The following UGT1A10 variants were observed in gnomAD, a reference collection of about 807,000 sequenced individuals.
UGT1A10 encodes the protein UDP-glucuronosyltransferase 1A10.
In UGT1A10, 49 loss-of-function variants were observed where a neutral mutation model predicts 45.8. The observed-to-expected ratio is 1.07, with a 90% CI of 0.85 to 1.36. The LOEUF (loss-of-function observed/expected upper bound fraction) is 1.36. UGT1A10 is among the 40% of genes most tolerant of loss of function. UGT1A10 has a pLI of 0.00. For missense variants in UGT1A10, 745 were observed against 668.6 expected (o/e 1.11, Z -1.26); for synonymous variants, 284 against 249.7 (o/e 1.14, Z -1.29).
chr2:233,711,531 C>T (rs1251081299), intron 1 of UGT1A10, among the ~76,000 whole-genome samples: 4 of 152,194 alleles, frequency 2.6e-5, no homozygotes, highest in African/African-American at 7.2e-5. Context: ...CACAACTCCC[C>T]GGGAATCATC....
intron 1 of UGT1A10, among the ~76,000 whole-genome samples, chr2:233,661,447 C>T (rs2073961410): frequency 6.6e-6 from 1 of 152,174 alleles, no homozygotes. Flanking sequence ...CTTTAACCCA[C>T]AGATGGAATC....
chr2:233,660,578 T>C (rs1307416384), intron 1 of UGT1A10, among the ~76,000 whole-genome samples: 2 of 152,232 alleles, frequency 1.3e-5, no homozygotes, highest in Non-Finnish European at 2.9e-5. Flanking sequence ...AGCTGGCGTT[T>C]ATTTTTTCCC....
Position 233,643,705 on chromosome 2 carries a change from C to T in UGT1A10, c.855+6328C>T, listed in dbSNP as rs542218423. Among the ~76,000 whole-genome samples the T allele has an allele frequency of 3.7e-4, 56 of 152,282 alleles. No individual in the cohort carries two copies. In the South Asian group the frequency reaches 3.7e-3, roughly 10 times the overall value. ...CTCAGAGGCTCACCAAGGCCCTTGA[C>T]GTAGTACGAGGTTTCACTGCTGGTA... On this transcript the variant is annotated intron_variant, in intron 1 of 4. Transcript: ENST00000344644.
Position 233,757,535 on chromosome 2 carries a change from A to AATATATATACATATACATATAT in UGT1A10, c.856-9490_856-9489insCATATACATATATATATATATA, listed in dbSNP as rs376887521. Among the ~76,000 whole-genome samples, 172 of 87,958 alleles carry AATATATATACATATACATATAT rather than the reference A, an allele frequency of 2.0e-3. 2 individuals carry two copies. The highest frequency in any genetic ancestry group is 3.2e-3 in the South Asian group (6 of 1,904). The allele number at this position is 87,958 out of a possible 152,430, so 57.7% of individuals were successfully genotyped here. On this transcript the variant is annotated intron_variant, in intron 1 of 4. Coordinates refer to ENST00000344644, the MANE Select transcript of UGT1A10 (RefSeq NM_019075.4). ...CAAAGCCAAAATCTTGCCTGTAAGG[A>AATATATATACATATACATATAT]ATATATATATATATATATATATATA... is the stretch of plus-strand genomic sequence containing the variant.
rs1174960322 is a variant in UGT1A10 at position 233,769,336 on chromosome 2, A to G, written c.1295+897A>G. 6.6e-6 allele frequency among the ~76,000 whole-genome samples: 1 copy of G among 152,252 alleles called. No individual in the cohort carries two copies. The highest frequency in any genetic ancestry group is 1.9e-4 in the East Asian group (1 of 5,208). ...AGCTCACTGGTAATAGGCTTATTAG[A>G]ACCTTATGGGAAGAAGTGGTGGCCA... On this transcript the variant is annotated intron_variant, in intron 4 of 4. Transcript: ENST00000344644. The surrounding 1 kb of genome is among the most constrained non-coding windows in gnomAD (Gnocchi z 4.4).
intron 1 of UGT1A10, among the ~76,000 whole-genome samples, chr2:233,661,197 C>T (rs1287080138): frequency 1.3e-5 from 2 of 151,716 alleles, no homozygotes; most frequent in Non-Finnish European, 2.9e-5. Flanking sequence ...GAGCGTTCCC[C>T]AACAGTCTGG....
intron 1 of UGT1A10, among the ~76,000 whole-genome samples, chr2:233,700,926 T>C (rs1403667263): frequency 6.6e-6 from 1 of 152,008 alleles, no homozygotes; most frequent in East Asian, 1.9e-4. Context: ...CCTGTGTCTG[T>C]GTGTGATTGT....
intron 1 of UGT1A10, among the ~76,000 whole-genome samples, chr2:233,694,218 C>G (rs933253375): frequency 6.6e-6 from 1 of 152,134 alleles, no homozygotes; most frequent in Non-Finnish European, 1.5e-5. Flanking sequence ...TTTCCCAACT[C>G]TGTCCCATGC....
chr2:233,729,448 A>G (rs1363906847), intron 1 of UGT1A10: 1 of 1,614,064 alleles, frequency 6.2e-7, no homozygotes, highest in South Asian at 1.1e-5. Flanking sequence ...ACATTTTCTG[A>G]AGAAATTTTT....
At chr2:233,751,208 T>G (rs767963579) in intron 1 of UGT1A10, among the ~76,000 whole-genome samples, 3 of 151,940 alleles carry the variant, frequency 2.0e-5, no homozygotes, top group Non-Finnish European at 4.4e-5. Flanking sequence ...TTTTGGAGCT[T>G]TAAGATTTAA....
intron 1 of UGT1A10, among the ~76,000 whole-genome samples, chr2:233,652,351 T>G (rs1423603793): frequency 6.6e-6 from 1 of 152,254 alleles, no homozygotes; most frequent in Non-Finnish European, 1.5e-5. Context: ...TTGTGTTACA[T>G]AATTTTCAAT....
intron 1 of UGT1A10, among the ~76,000 whole-genome samples, chr2:233,641,360 A>G (rs568182571): frequency 6.6e-6 from 1 of 152,346 alleles, no homozygotes; most frequent in African/African-American, 2.4e-5. Flanking sequence ...CTATTTGCAT[A>G]AACAAACACA....
intron 1 of UGT1A10, among the ~76,000 whole-genome samples, chr2:233,762,398 T>G (rs969226920): frequency 6.6e-6 from 1 of 152,192 alleles, no homozygotes; most frequent in Non-Finnish European, 1.5e-5. Flanking sequence ...TATGTAAAAT[T>G]TTTTGGTTGC....
chr2:233,698,831 G>A (rs1290977485), intron 1 of UGT1A10, among the ~76,000 whole-genome samples: 1 of 152,228 alleles, frequency 6.6e-6, no homozygotes, highest in Admixed American at 6.5e-5. Flanking sequence ...AGTAAGGCAG[G>A]ATCACTTCCC....
intron 1 of UGT1A10, chr2:233,691,878 T>C (rs1461599790): frequency 6.4e-6 from 1 of 155,758 alleles, no homozygotes; most frequent in Non-Finnish European, 1.4e-5. Context: ...TATATGTTTG[T>C]CTTTGTTTCC....
chr2:233,697,297 C>T (rs2075383604), intron 1 of UGT1A10, among the ~76,000 whole-genome samples: 1 of 152,076 alleles, frequency 6.6e-6, no homozygotes, highest in African/African-American at 2.4e-5. Context: ...CTTCTTCATT[C>T]AATCTTGGTA....
chr2:233,663,099 C>T (rs2074007756), intron 1 of UGT1A10, among the ~76,000 whole-genome samples: 3 of 152,126 alleles, frequency 2.0e-5, no homozygotes, highest in African/African-American at 2.4e-5. Context: ...TTCATCTTCC[C>T]AAACTGAAGC....
At chr2:233,764,883 A>C (rs1698677013) in intron 1 of UGT1A10, among the ~76,000 whole-genome samples, 1 of 152,176 alleles carries the variant, frequency 6.6e-6, no homozygotes, top group Non-Finnish European at 1.5e-5. Context: ...GGGAAAAGGC[A>C]AAGACAAAGC....
In UGT1A10 at chr2:233,732,508, T is replaced by C. The variant is rs534063439; in HGVS notation, c.856-34526T>C. The stretch of plus-strand genomic sequence containing the variant: ...TGTATAAGGCGTAAGGAAGGGATCC[T>C]GTTCCAGCTTTCTACATATGGCCAG... On this transcript the variant is annotated intron_variant, in intron 1 of 4. Coordinates refer to ENST00000344644, the MANE Select transcript of UGT1A10 (RefSeq NM_019075.4). Among the ~76,000 whole-genome samples the C allele has an allele frequency of 1.1e-4, 16 of 152,348 alleles. 1 individual carries two copies. The South Asian group carries it at 3.3e-3, about 32-fold the overall frequency.
Sources: allele counts gnomAD v4.1 joint callset (sites outside exome capture counted in the v4.1 genomes callset), GRCh38; gene constraint gnomAD v4.1.1; non-coding constraint Gnocchi (gnomAD v3.1); transcripts MANE v1.5; gene names NCBI Gene and HGNC (gene_info 2026-07-23, HGNC 2026-07-21).